PDXK: variants seen among roughly 807,000 people sequenced by gnomAD.
The protein encoded by PDXK is pyridoxal kinase.
Under a neutral mutation model 43.2 loss-of-function variants are expected in PDXK, and 15 were observed. The observed-to-expected ratio is 0.35, with a 90% CI of 0.23 to 0.53. The LOEUF is 0.53. PDXK is among the 20% of genes least tolerant of loss of function. The pLI is 0.92. For missense variants in PDXK, 343 were observed against 417.0 expected, an observed-to-expected ratio of 0.82 and a Z score of 1.54; for synonymous variants, 172 against 165.4, an observed-to-expected ratio of 1.04 and a Z score of -0.31.
chr21:43,755,401 A>C (rs1273775614), intron 9 of PDXK: 3 of 431,456 alleles, frequency 7.0e-6, no homozygotes, highest in Non-Finnish European at 1.3e-5. Context: ...AACTCCTACC[A>C]AGCTCCTGCT....
In PDXK at chr21:43,750,501, T is replaced by G. The variant is rs200302441; in HGVS notation, c.466T>G (p.Leu156Val). Residue 156 changes from leucine (L) to valine (V), a missense_variant and splice_region_variant, in exon 7 of 11, where the codon TTA becomes GTA. Transcript: ENST00000291565. ...CGCCTGTCCCCGCCTGTCTTCCAGG[T>G]TACTGAGTGGCCGGAAGATCCACAG... ...IITPNQFEAE[L>V]LSGRKIHSQE... 30 of 1,612,418 alleles carry G rather than the reference T, an allele frequency of 1.9e-5. No homozygotes were observed. Among genetic ancestry groups the G allele is most frequent in the Non-Finnish European group, 2.5e-5 (30 of 1,179,148 alleles).
At chr21:43,741,855 C>T in intron 3 of PDXK, 84 bp downstream of exon 3, 4 of 876,772 alleles carry the variant, frequency 4.6e-6, no homozygotes, top group Non-Finnish European at 7.5e-6. Flanking sequence ...AGCACCCCCG[C>T]CCTGGGCCTG....
At chr21:43,752,184 G>A (rs1037251717) in intron 7 of PDXK, among the ~76,000 whole-genome samples, 6 of 152,218 alleles carry the variant, frequency 3.9e-5, no homozygotes, top group Non-Finnish European at 7.3e-5. Flanking sequence ...TTCTACGAGA[G>A]TTACAGAAAA....
intron 1 of PDXK, among the ~76,000 whole-genome samples, chr21:43,722,898 C>T (rs1460785146): frequency 1.3e-5 from 2 of 152,192 alleles, no homozygotes; most frequent in African/African-American, 4.8e-5. Flanking sequence ...AGTGCAGTGG[C>T]GCGATCTCGG....
At chr21:43,750,986 G>T (rs1349744995) in intron 7 of PDXK, among the ~76,000 whole-genome samples, 1 of 152,116 alleles carries the variant, frequency 6.6e-6, no homozygotes, top group Non-Finnish European at 1.5e-5. Flanking sequence ...GTGTGCACAT[G>T]TGTGTGAAGA....
Position 43,737,841 on chromosome 21 carries a change from A to G in PDXK, c.142+3718A>G. On this transcript the variant is annotated intron_variant, in intron 2 of 10. Transcript: ENST00000291565. The surrounding 1 kb of genome is among the most constrained non-coding windows in gnomAD (Gnocchi z 4.8). ...ACCGCTTGTTTGCCTGTGCTTTTTCATCTGTAAATGGAATGAGTTGGACAC... is the reference window on the plus strand; with the variant it reads ...ACCGCTTGTTTGCCTGTGCTTTTTCGTCTGTAAATGGAATGAGTTGGACAC... 1.1e-5 allele frequency: 11 copies of G among 985,382 alleles called. No homozygotes were observed. Among genetic ancestry groups the G allele is most frequent in the Non-Finnish European group, 1.3e-5 (11 of 829,938 alleles). The allele number at this position is 985,382 out of a possible 1,614,324, so 61.0% of individuals were successfully genotyped here.
rs573975539 is a variant in PDXK at position 43,719,563 on chromosome 21, C to G, written c.87+182C>G. On this transcript the variant is annotated intron_variant, in intron 1 of 10. Coordinates refer to ENST00000291565, the MANE Select transcript of PDXK (RefSeq NM_003681.5). ...TCTGCTTGGCTTGCGGGGGCGGAAG[C>G]GGAGGGCTGAGCGCTCTGCGGGCCC... 1.0e-5 allele frequency: 10 copies of G among 973,274 alleles called. No individual in the cohort carries two copies. The East Asian group carries it at 1.1e-3, about 111-fold the overall frequency. The allele number at this position is 973,274 out of a possible 1,614,324, so 60.3% of individuals were successfully genotyped here.
chr21:43,731,932 C>G (rs2083323705), intron 1 of PDXK, among the ~76,000 whole-genome samples: 1 of 152,238 alleles, frequency 6.6e-6, no homozygotes, highest in African/African-American at 2.4e-5. Context: ...TCTTTAGAAC[C>G]TGGAGCTGGG....
At chr21:43,729,084 C>T (rs1322856888) in intron 1 of PDXK, 3 of 922,592 alleles carry the variant, frequency 3.3e-6, no homozygotes, top group Non-Finnish European at 3.9e-6. Flanking sequence ...CGCCCGCCCG[C>T]AATCCTGCCC....
chr21:43,730,983 G>T (rs969430401), intron 1 of PDXK, among the ~76,000 whole-genome samples: 1 of 152,086 alleles, frequency 6.6e-6, no homozygotes, highest in Non-Finnish European at 1.5e-5. Context: ...TTACATAATT[G>T]TAAGTTTTAT....
intron 3 of PDXK, among the ~76,000 whole-genome samples, chr21:43,742,691 G>A (rs927313230): frequency 7.9e-5 from 12 of 152,064 alleles, no homozygotes; most frequent in Non-Finnish European, 1.6e-4. Context: ...AGCCTGAGCG[G>A]CATAGTGAGA....
chr21:43,753,850 G>A (rs572839808), intron 9 of PDXK, 131 bp downstream of exon 9: 2 of 1,070,080 alleles, frequency 1.9e-6, no homozygotes, highest in Non-Finnish European at 2.6e-6. Context: ...CCCCAGTTGT[G>A]GGGGAGGGCA....
At position 43,732,700 on chromosome 21, in the gene PDXK, G is replaced by A. The variant is rs1467041670; in HGVS notation, c.88-1369G>A. On this transcript the variant is annotated intron_variant, in intron 1 of 10. Transcript: ENST00000291565. This position sits in a 1 kb window ranked among gnomAD's most constrained non-coding sequence, Gnocchi z 4.1. ...TGCAAGCTATCTGTGTATAGAGGCTGTGGATTCGGGCTGGTACATTTGCAA... is the reference window on the plus strand; with the variant it reads ...TGCAAGCTATCTGTGTATAGAGGCTATGGATTCGGGCTGGTACATTTGCAA... 1 of 753,936 alleles carries A rather than the reference G, an allele frequency of 1.3e-6. No homozygotes were observed. The highest frequency in any genetic ancestry group is 1.7e-5 in the African/African-American group (1 of 58,180). The allele number at this position is 753,936 out of a possible 1,614,324, so 46.7% of individuals were successfully genotyped here. A position where few individuals can be genotyped will look rare whatever the true frequency, so the allele number is the denominator to read the frequency against.
chr21:43,719,351 G>T lies in PDXK; in HGVS notation c.57G>T (p.Val19=). The change falls in exon 1 of 11, where the codon GTG becomes GTT. Residue 19 remains valine, a synonymous_variant. Transcript: ENST00000291565. The stretch of plus-strand genomic sequence containing the variant: ...AGAGCCACGTCATCCGCGGCTACGT[G>T]GGCAACCGGGCGGCCACGTTCCCGC... ...SIQSHVIRGY[V]GNRAATFPLQ... is the part of the protein sequence containing the mutation. The T allele has an allele frequency of 6.6e-7, 1 of 1,526,250 alleles. No individual in the cohort carries two copies. The allele number at this position is 1,526,250 out of a possible 1,614,324, so 94.5% of individuals were successfully genotyped here.
chr21:43,728,268 G>A (rs888405537), intron 1 of PDXK, among the ~76,000 whole-genome samples: 1 of 152,168 alleles, frequency 6.6e-6, no homozygotes, highest in African/African-American at 2.4e-5. Context: ...CGGTGGGAGG[G>A]ACGCGGGGTG....
Position 43,750,473 on chromosome 21 carries a change from ACCCGCCTGTC to A in PDXK, c.465-16_465-7del, listed in dbSNP as rs1397253050. On this transcript the variant is annotated splice_polypyrimidine_tract_variant and intron_variant, in intron 6 of 10. Transcript: ENST00000291565. ...GGAGAGGAGAGGCTCACCTGTCCCC[ACCCGCCTGTC>A]CCCGCCTGTCTTCCAGGTTACTGAG... is the stretch of plus-strand genomic sequence containing the variant. The A allele has an allele frequency of 1.3e-6, 2 of 1,584,968 alleles. No individual in the cohort carries two copies. The highest frequency in any genetic ancestry group is 1.7e-5 in the Admixed American group (1 of 57,470).
intron 1 of PDXK, chr21:43,719,955 G>A (rs1294933451): frequency 3.1e-6 from 3 of 982,426 alleles, no homozygotes; most frequent in Non-Finnish European, 2.4e-6. Flanking sequence ...TGGCCGAAGG[G>A]AAGAGGGTGG....
chr21:43,752,546 C>T lies in PDXK; in HGVS notation c.539C>T (p.Pro180Leu). ...RVMDMLHSMGPDTVVITSSDL... is the reference protein window; with the variant it reads ...RVMDMLHSMGLDTVVITSSDL... ...ATGGACATGCTGCACTCTATGGGCCCCGACACCGTGGTCATCACCAGCTCC... is the reference window on the plus strand; with the variant it reads ...ATGGACATGCTGCACTCTATGGGCCTCGACACCGTGGTCATCACCAGCTCC... The change falls in exon 8 of 11, where the codon CCC becomes CTC. Residue 180 changes from proline to leucine, a missense_variant. Physicochemically the swap from Pro to Leu is moderately conservative, Grantham distance 98. Transcript: ENST00000291565. 4 of 1,612,318 alleles carry T rather than the reference C, an allele frequency of 2.5e-6. No individual in the cohort carries two copies. The highest frequency in any genetic ancestry group is 3.4e-6 in the Non-Finnish European group (4 of 1,179,866).
At chr21:43,729,370 G>A (rs1166373325) in intron 1 of PDXK, among the ~76,000 whole-genome samples, 1 of 152,252 alleles carries the variant, frequency 6.6e-6, no homozygotes, top group East Asian at 1.9e-4. Context: ...CTTGGAGGCC[G>A]AAAGAAGGAC....
Sources: allele counts gnomAD v4.1 joint callset (sites outside exome capture counted in the v4.1 genomes callset), GRCh38; gene constraint gnomAD v4.1.1; non-coding constraint Gnocchi (gnomAD v3.1); transcripts MANE v1.5; gene names NCBI Gene and HGNC (gene_info 2026-07-23, HGNC 2026-07-21).